The following CHST11 variants were observed in gnomAD, a reference collection of about 807,000 sequenced individuals.
CHST11 encodes C4S-1.
Under a neutral mutation model 30.4 loss-of-function variants are expected in CHST11, and 9 were observed. The ratio of observed to expected loss-of-function variants is 0.30; its 90% CI spans 0.18 to 0.52. The LOEUF is 0.52. Ranked by LOEUF, CHST11 falls within the 20% of genes least tolerant of loss-of-function variation. The pLI is 0.97. For missense variants in CHST11, 348 were observed against 460.6 expected (o/e 0.76, Z 2.24); for synonymous variants, 152 against 187.8 (o/e 0.81, Z 1.56).
At chr12:104,596,325 T>G (rs2038906443) in intron 1 of CHST11, among the ~76,000 whole-genome samples, 1 of 152,218 alleles carries the variant, frequency 6.6e-6, no homozygotes, top group Admixed American at 6.5e-5. Flanking sequence ...CCCAGCCTGT[T>G]AGCAAGTCCG....
chr12:104,644,973 CAG>C (rs1246632094), intron 2 of CHST11, among the ~76,000 whole-genome samples: 5 of 152,280 alleles, frequency 3.3e-5, no homozygotes, highest in African/African-American at 9.6e-5. Context: ...TTTTTTGAGA[CAG>C]AGTCTTGCAC....
At chr12:104,558,695 C>T (rs2038483963) in intron 1 of CHST11, among the ~76,000 whole-genome samples, 1 of 151,872 alleles carries the variant, frequency 6.6e-6, no homozygotes, top group African/African-American at 2.4e-5. Flanking sequence ...TGTGCCACCA[C>T]GCCCAGCTAA....
At chr12:104,609,732 C>T (rs1463420112) in intron 2 of CHST11, among the ~76,000 whole-genome samples, 1 of 152,148 alleles carries the variant, frequency 6.6e-6, no homozygotes, top group Non-Finnish European at 1.5e-5. Flanking sequence ...ATGAAAAGCA[C>T]CTAGGACAGT....
At chr12:104,473,170 G>A (rs4964804) in intron 1 of CHST11, among the ~76,000 whole-genome samples, 3,323 of 152,180 alleles carry the variant, frequency 0.022, 98 homozygotes, top group East Asian at 0.16. Flanking sequence ...AAATGAACTC[G>A]GGGCCATTTG....
chr12:104,581,410 G>T (rs2038742999), intron 1 of CHST11, among the ~76,000 whole-genome samples: 1 of 152,108 alleles, frequency 6.6e-6, no homozygotes, highest in Non-Finnish European at 1.5e-5. Flanking sequence ...AAGTTTTATG[G>T]GAGAAAGCTT....
intron 1 of CHST11, among the ~76,000 whole-genome samples, chr12:104,506,192 G>A (rs1022844159): frequency 3.3e-5 from 5 of 152,294 alleles, no homozygotes; most frequent in Admixed American, 2.0e-4. Flanking sequence ...GATGACAAGC[G>A]AACGCAGATA....
intron 2 of CHST11, among the ~76,000 whole-genome samples, chr12:104,636,574 G>A (rs1010519950): frequency 1.3e-5 from 2 of 152,066 alleles, no homozygotes; most frequent in Non-Finnish European, 2.9e-5. Context: ...CTTGATTTTT[G>A]TGCCGTTTAT....
At chr12:104,680,181 G>A (rs2039781027) in intron 2 of CHST11, among the ~76,000 whole-genome samples, 1 of 152,246 alleles carries the variant, frequency 6.6e-6, no homozygotes, top group Non-Finnish European at 1.5e-5. Context: ...AGAGGACGCA[G>A]GTGATAGCAA....
At chr12:104,715,477 T>G (rs1416286289) in intron 2 of CHST11, among the ~76,000 whole-genome samples, 1 of 152,204 alleles carries the variant, frequency 6.6e-6, no homozygotes, top group East Asian at 1.9e-4. Flanking sequence ...ATGTGATTAT[T>G]AAGTGCCGGC....
chr12:104,481,319 C>T (rs2037620478), intron 1 of CHST11, among the ~76,000 whole-genome samples: 1 of 152,202 alleles, frequency 6.6e-6, no homozygotes, highest in Admixed American at 6.5e-5. Context: ...ACGAATTTTG[C>T]ACTTGCCGTT....
At chr12:104,687,946 C>G (rs1004606114) in intron 2 of CHST11, among the ~76,000 whole-genome samples, 1 of 152,174 alleles carries the variant, frequency 6.6e-6, no homozygotes, top group Non-Finnish European at 1.5e-5. Flanking sequence ...GGTTGTTATT[C>G]TGTGTTTCCT....
intron 1 of CHST11, among the ~76,000 whole-genome samples, chr12:104,537,460 C>T (rs2038247662): frequency 6.6e-6 from 1 of 152,206 alleles, no homozygotes; most frequent in Admixed American, 6.5e-5. Context: ...AATCTTGGCC[C>T]TGCTTCTTAT....
At chr12:104,568,171 G>T (rs1001547514) in intron 1 of CHST11, among the ~76,000 whole-genome samples, 1 of 152,172 alleles carries the variant, frequency 6.6e-6, no homozygotes, top group African/African-American at 2.4e-5. Context: ...CTGCTGTTTA[G>T]GGCCGGGGTC....
intron 2 of CHST11, among the ~76,000 whole-genome samples, chr12:104,723,853 T>C (rs1189938106): frequency 1.3e-5 from 2 of 152,208 alleles, no homozygotes; most frequent in African/African-American, 4.8e-5. Context: ...GTTCAGTGTT[T>C]AGAAAGGAAT....
chr12:104,623,160 G>A (rs1368939561), intron 2 of CHST11, among the ~76,000 whole-genome samples: 2 of 152,198 alleles, frequency 1.3e-5, no homozygotes, highest in Non-Finnish European at 1.5e-5. Flanking sequence ...GGGGTTCCCT[G>A]CTTTAGACTG....
chr12:104,643,161 C>CA (rs2039393900), intron 2 of CHST11, among the ~76,000 whole-genome samples: 2 of 151,786 alleles, frequency 1.3e-5, no homozygotes, highest in African/African-American at 2.4e-5. Flanking sequence ...CCTGTCTCTA[C>CA]AAAAAAATTA....
chr12:104,650,370 G>T (rs937221363), intron 2 of CHST11, among the ~76,000 whole-genome samples: 2 of 152,058 alleles, frequency 1.3e-5, no homozygotes, highest in African/African-American at 4.8e-5. Context: ...TGGGTTTGGC[G>T]GATTTGTTTG....
intron 2 of CHST11, among the ~76,000 whole-genome samples, chr12:104,731,115 A>G (rs1031250603): frequency 1.3e-5 from 2 of 152,110 alleles, no homozygotes; most frequent in African/African-American, 4.8e-5. Context: ...GTGCCTTGAC[A>G]TTGGCTGTCT....
intron 1 of CHST11, among the ~76,000 whole-genome samples, chr12:104,545,403 G>A (rs2038337294): frequency 6.6e-6 from 1 of 152,248 alleles, no homozygotes. Flanking sequence ...CTGTCCAGGA[G>A]AATGGATGTG....
Sources: allele counts gnomAD v4.1 joint callset (sites outside exome capture counted in the v4.1 genomes callset), GRCh38; gene constraint gnomAD v4.1.1; transcripts MANE v1.5; gene names NCBI Gene and HGNC (gene_info 2026-07-23, HGNC 2026-07-21).